LAMB3: variants seen among roughly 807,000 people sequenced by gnomAD.
LAMB3 encodes laminin subunit beta-3.
In LAMB3, 104 loss-of-function variants were observed where a neutral mutation model predicts 140.3. That is an observed-to-expected ratio of 0.74 (90% CI 0.63 to 0.87). LAMB3 has a LOEUF of 0.87. Ranked by LOEUF, LAMB3 falls within the 40% of genes least tolerant of loss-of-function variation. The pLI is 0.00. For synonymous variants in LAMB3, 592 were observed against 602.9 expected (o/e 0.98, Z 0.26); for missense variants, 1,531 against 1,575.2 (o/e 0.97, Z 0.47).
At chr1:209,646,641 G>A (rs1056122081) in intron 3 of LAMB3, among the ~76,000 whole-genome samples, 10 of 152,206 alleles carry the variant, frequency 6.6e-5, no homozygotes, top group African/African-American at 1.2e-4. Flanking sequence ...AGTGAGGTAC[G>A]CGAACGCATG....
chr1:209,628,619 C>A (rs1666562632), intron 10 of LAMB3, among the ~76,000 whole-genome samples: 1 of 152,104 alleles, frequency 6.6e-6, no homozygotes, highest in African/African-American at 2.4e-5. Context: ...TCACTTGAAC[C>A]TGGGAGGCGG....
At position 209,618,920 on chromosome 1, in the gene LAMB3, A is replaced by G. The variant is rs930441482; in HGVS notation, c.2702-261T>C. On this transcript the variant is annotated intron_variant, in intron 18 of 22. Coordinates refer to ENST00000356082, the MANE Select transcript of LAMB3 (RefSeq NM_000228.3). ...GGTGTCGTCACAGCTGTGCCAACTAAGTGTCTGGTGCCACAGGAAGCTGCG... is the reference window on the plus strand; with the variant it reads ...GGTGTCGTCACAGCTGTGCCAACTAGGTGTCTGGTGCCACAGGAAGCTGCG... 1.1e-5 allele frequency: 6 copies of G among 545,626 alleles called. No individual in the cohort carries two copies. In the African/African-American group the frequency reaches 1.1e-4, roughly 10 times the overall value. 33.8% of individuals were successfully genotyped at this position (545,626 alleles called of 1,614,324 possible).
Position 209,626,006 on chromosome 1 carries a change from C to G in LAMB3, c.1618G>C (p.Gly540Arg), listed in dbSNP as rs1332394982. The change falls in exon 14 of 23, where the codon GGA (glycine) becomes CGA (arginine). Residue 540 changes from glycine to arginine, a missense_variant. Physicochemically the swap from Gly to Arg is moderately radical, Grantham distance 125 (BLOSUM62 -2). Coordinates refer to ENST00000356082, the MANE Select transcript of LAMB3 (RefSeq NM_000228.3). ...TTGTCGCAGCCCGGGCCCTCTGTTCCCCGGAAATCACAGTCACAGGCTAGG... is the reference window on the plus strand; with the variant it reads ...TTGTCGCAGCCCGGGCCCTCTGTTCGCCGGAAATCACAGTCACAGGCTAGG... ...GCRACDCDFR[G>R]TEGPGCDKAS... is the part of the protein sequence containing the mutation. 6.2e-7 allele frequency: 1 copy of G among 1,613,010 alleles called. No homozygotes were observed. The highest frequency in any genetic ancestry group is 8.5e-7 in the Non-Finnish European group (1 of 1,179,378).
rs1249439737 is a variant in LAMB3, at chr1:209,626,189, AGCAAAC to A, written c.1598-169_1598-164del. Among the ~76,000 whole-genome samples the A allele has an allele frequency of 5.3e-5, 8 of 152,364 alleles. No homozygotes were observed. The East Asian group carries it at 1.3e-3, about 26-fold the overall frequency. On this transcript the variant is annotated intron_variant, in intron 13 of 22. Coordinates refer to ENST00000356082, the MANE Select transcript of LAMB3 (RefSeq NM_000228.3). ...AAGCCATGGTAACAGCTGCAGTGAA[AGCAAAC>A]GCTTACTTAGCACCTACCATGTGCC...
intron 8 of LAMB3, 45 bp from the exon 9 acceptor site, chr1:209,630,780 G>C (rs377305870): frequency 9.9e-6 from 16 of 1,609,116 alleles, no homozygotes; most frequent in African/African-American, 1.3e-5. Context: ...AACAAAGAAG[G>C]GCACCAGGGA....
chr1:209,640,154 T>G (rs1330114941), intron 3 of LAMB3, among the ~76,000 whole-genome samples: 1 of 152,204 alleles, frequency 6.6e-6, no homozygotes, highest in Non-Finnish European at 1.5e-5. Flanking sequence ...CCCTTCCTAG[T>G]GCTTGGAGGT....
chr1:209,651,020 A>C (rs2076562118), intron 1 of LAMB3, 39 bp from the exon 2 acceptor site: 22 of 1,317,778 alleles, frequency 1.7e-5, no homozygotes, highest in Non-Finnish European at 2.4e-5. Context: ...AACAGTGCAA[A>C]CCCCTAGAGC....
chr1:209,625,733 T>A lies in LAMB3; in HGVS notation c.1891A>T (p.Ile631Phe), dbSNP rs544814940. 2.2e-5 allele frequency: 36 copies of A among 1,614,144 alleles called. 1 individual carries two copies. The South Asian group carries it at 4.0e-4, about 18-fold the overall frequency. ...ASRILDAKSK[I>F]EQIRAVLSSP... ...CTGAGAACTGCTCGGATCTGCTCAA[T>A]CTTACTCTTTGCATCTAGGATCCGG... is the stretch of plus-strand genomic sequence containing the variant. The change falls in exon 14 of 23, where the codon ATT becomes TTT. Residue 631 changes from isoleucine to phenylalanine, a missense_variant. By Grantham distance (21) the Ile-to-Phe change is conservative. Transcript: ENST00000356082.
Position 209,626,891 on chromosome 1 carries a change from C to T in LAMB3, c.1573G>A (p.Gly525Arg). ...AIRQCPDRTY[G>R]DVATGCRACD... ...CCTCGGCATCCTGTGGCCACGTCTCCATAGGTCCGGTCTGGACACTGGCGG... is the reference window on the plus strand; with the variant it reads ...CCTCGGCATCCTGTGGCCACGTCTCTATAGGTCCGGTCTGGACACTGGCGG... The change falls in exon 13 of 23, where the codon GGA becomes AGA. Residue 525 changes from glycine (G) to arginine (R), a missense_variant. Coordinates refer to ENST00000356082, the MANE Select transcript of LAMB3 (RefSeq NM_000228.3). 6 of 1,613,874 alleles carry T rather than the reference C, an allele frequency of 3.7e-6. No homozygotes were observed. Among genetic ancestry groups the T allele is most frequent in the Non-Finnish European group, 5.1e-6 (6 of 1,179,946 alleles).
rs934673034 is a variant in LAMB3 at position 209,651,066 on chromosome 1, A to C, written c.-37-85T>G. On this transcript the variant is annotated intron_variant, in intron 1 of 22. Coordinates refer to ENST00000356082, the MANE Select transcript of LAMB3 (RefSeq NM_000228.3). ...TTTTTCTTTTCTGTTTCTAGACTCAAGTATTTTTCAGAAGTCTTTACCTAG... is the reference window on the plus strand; with the variant it reads ...TTTTTCTTTTCTGTTTCTAGACTCACGTATTTTTCAGAAGTCTTTACCTAG... 10 of 902,506 alleles carry C rather than the reference A, an allele frequency of 1.1e-5. No individual in the cohort carries two copies. Among genetic ancestry groups the C allele is most frequent in the Non-Finnish European group, 1.9e-5 (10 of 533,880 alleles). The allele number at this position is 902,506 out of a possible 1,614,324, so 55.9% of individuals were successfully genotyped here. A position where few individuals can be genotyped will look rare whatever the true frequency, so the allele number is the denominator to read the frequency against.
At chr1:209,636,732 T>G (rs1468465524) in intron 5 of LAMB3, among the ~76,000 whole-genome samples, 1 of 152,212 alleles carries the variant, frequency 6.6e-6, no homozygotes, top group Non-Finnish European at 1.5e-5. Context: ...GAATAAACAT[T>G]GCCCTTCCCC....
At chr1:209,631,905 C>T (rs757588781) in intron 8 of LAMB3, among the ~76,000 whole-genome samples, 1 of 152,218 alleles carries the variant, frequency 6.6e-6, no homozygotes, top group Non-Finnish European at 1.5e-5. Context: ...TTCCTCCTGT[C>T]CCCCTGTCAC....
At chr1:209,639,369 C>T (rs1390589670) in intron 3 of LAMB3, among the ~76,000 whole-genome samples, 1 of 152,214 alleles carries the variant, frequency 6.6e-6, no homozygotes, top group East Asian at 1.9e-4. Flanking sequence ...ATCTCTAAGG[C>T]CTTCCAGCAG....
chr1:209,646,945 T>C (rs1174603217), intron 3 of LAMB3, among the ~76,000 whole-genome samples: 1 of 152,174 alleles, frequency 6.6e-6, no homozygotes, highest in Admixed American at 6.5e-5. Context: ...GGAATAATAG[T>C]GCAGTGAGTT....
At chr1:209,616,409 G>C in intron 22 of LAMB3, 62 bp downstream of exon 22, 1 of 1,590,652 alleles carries the variant, frequency 6.3e-7, no homozygotes, top group Non-Finnish European at 8.6e-7. Flanking sequence ...AGAAGCCTTG[G>C]GTTGGGTGGG....
Position 209,642,464 on chromosome 1 carries a change from C to T in LAMB3, c.184-3816G>A, listed in dbSNP as rs1240920330. ...TCTGTTATTTTTTATTATGTTTAAGCTTTTTTGTTTGTTTGTTTGTTTGTT... is the reference window on the plus strand; with the variant it reads ...TCTGTTATTTTTTATTATGTTTAAGTTTTTTTGTTTGTTTGTTTGTTTGTT... On this transcript the variant is annotated intron_variant, in intron 3 of 22. Transcript: ENST00000356082. Among the ~76,000 whole-genome samples the T allele has an allele frequency of 3.6e-5, 5 of 139,246 alleles. No individual in the cohort carries two copies. The East Asian group carries it at 1.2e-3, about 33-fold the overall frequency. The allele number at this position is 139,246 out of a possible 152,430, so 91.4% of individuals were successfully genotyped here.
chr1:209,638,676 C>T (rs1558163737), intron 3 of LAMB3, 28 bp from the exon 4 acceptor site: 2 of 1,471,464 alleles, frequency 1.4e-6, no homozygotes, highest in Non-Finnish European at 1.9e-6. Flanking sequence ...AGCAGACACT[C>T]AGAGGTGGGG....
Position 209,617,448 on chromosome 1 carries a change from C to A in LAMB3, c.3190G>T (p.Ala1064Ser). 1 of 1,613,222 alleles carries A rather than the reference C, an allele frequency of 6.2e-7. No individual in the cohort carries two copies. Among genetic ancestry groups the A allele is most frequent in the Non-Finnish European group, 8.5e-7 (1 of 1,180,042 alleles). ...GAEAVQAQQL[A>S]EGASEQALSA... ...AATGCCTGCTCGCTGGCACCTTCCGCAAGCTGCTGGGCCTGGACTGCCTCT... is the reference window on the plus strand; with the variant it reads ...AATGCCTGCTCGCTGGCACCTTCCGAAAGCTGCTGGGCCTGGACTGCCTCT... Residue 1064 changes from alanine (A) to serine (S), a missense_variant, in exon 21 of 23, where the codon GCG (alanine) becomes TCG (serine). Ala to Ser is a moderately conservative substitution (Grantham distance 99). Coordinates refer to ENST00000356082, the MANE Select transcript of LAMB3 (RefSeq NM_000228.3).
intron 3 of LAMB3, among the ~76,000 whole-genome samples, chr1:209,639,762 C>T (rs1464123695): frequency 6.6e-6 from 1 of 152,198 alleles, no homozygotes; most frequent in Admixed American, 6.5e-5. Flanking sequence ...ATCCCAAACC[C>T]TGTGCGCAGC....
Sources: allele counts gnomAD v4.1 joint callset (sites outside exome capture counted in the v4.1 genomes callset), GRCh38; gene constraint gnomAD v4.1.1; transcripts MANE v1.5; gene names NCBI Gene and HGNC (gene_info 2026-07-23, HGNC 2026-07-21).